TMEM63C: variants seen among roughly 807,000 people sequenced by gnomAD.
The protein encoded by TMEM63C is transmembrane protein 63C.
In TMEM63C, 32 loss-of-function variants were observed where a neutral mutation model predicts 99.2. That is an observed-to-expected ratio of 0.32 (90% CI 0.24 to 0.43). TMEM63C has a LOEUF of 0.43. Among genes scored for constraint, TMEM63C ranks in the 20% least tolerant of loss-of-function variants. TMEM63C has a pLI of 1.00. For missense variants in TMEM63C, 826 were observed against 1,053.0 expected (o/e 0.78, Z 2.98); for synonymous variants, 376 against 397.9 (o/e 0.94, Z 0.66).
intron 5 of TMEM63C, 76 bp downstream of exon 5, chr14:77,220,163 A>G: frequency 7.3e-7 from 1 of 1,378,996 alleles, no homozygotes; most frequent in Non-Finnish European, 1.0e-6. Context: ...AGGAAGAAAC[A>G]CGGCTTAGAC....
intron 1 of TMEM63C, among the ~76,000 whole-genome samples, chr14:77,211,099 C>G (rs898656785): frequency 1.3e-5 from 2 of 152,240 alleles, no homozygotes; most frequent in African/African-American, 4.8e-5. Context: ...TCAGCCCACT[C>G]TGCTCTCCGC....
intron 13 of TMEM63C, 36 bp downstream of exon 13, chr14:77,240,644 C>T (rs1320560285): frequency 6.3e-7 from 1 of 1,598,688 alleles, no homozygotes; most frequent in Non-Finnish European, 8.5e-7. Context: ...CAGCCCCAAG[C>T]ATACTCCTGC....
chr14:77,202,356 A>G (rs182143914), intron 1 of TMEM63C, among the ~76,000 whole-genome samples: 9 of 152,124 alleles, frequency 5.9e-5, no homozygotes, highest in African/African-American at 2.2e-4. Flanking sequence ...GCACCAATGC[A>G]TAGACCCACT....
rs1889128651 is a variant in TMEM63C, at chr14:77,239,634, A to G, written c.838A>G (p.Thr280Ala). 6.2e-7 allele frequency: 1 copy of G among 1,613,206 alleles called. No homozygotes were observed. Among genetic ancestry groups the G allele is most frequent in the African/African-American group, 1.3e-5 (1 of 74,928 alleles). Residue 280 changes from threonine to alanine, a missense_variant, in exon 12 of 24, where the codon ACA (threonine) becomes GCA (alanine). Transcript: ENST00000298351. ...TGCCATGCGGGGCCGGCTTTTCTAT[A>G]CAGCCAAGGCCAAGAAGACTGGGAA... is the stretch of plus-strand genomic sequence containing the variant. ...RHAMRGRLFY[T>A]AKAKKTGKVM...
At chr14:77,231,341 A>G (rs1166802382) in intron 6 of TMEM63C, among the ~76,000 whole-genome samples, 1 of 152,190 alleles carries the variant, frequency 6.6e-6, no homozygotes, top group African/African-American at 2.4e-5. Context: ...CTGAGTGTGT[A>G]TCTGTAACAG....
At position 77,238,686 on chromosome 14, in the gene TMEM63C, C is replaced by G. The variant is rs1282987704; in HGVS notation, c.652-8C>G. The G allele has an allele frequency of 6.2e-7, 1 of 1,611,558 alleles. No homozygotes were observed. On this transcript the variant is annotated splice_polypyrimidine_tract_variant and splice_region_variant and intron_variant, in intron 9 of 23. Coordinates refer to ENST00000298351, the MANE Select transcript of TMEM63C (RefSeq NM_020431.4). ...TCTTCTTTCTCCATTTTTATTTTTCCCACCCAGGTCACAAGGACACTAATG... is the reference window on the plus strand; with the variant it reads ...TCTTCTTTCTCCATTTTTATTTTTCGCACCCAGGTCACAAGGACACTAATG...
chr14:77,206,535 G>C (rs1888405523), intron 1 of TMEM63C, among the ~76,000 whole-genome samples: 1 of 152,246 alleles, frequency 6.6e-6, no homozygotes. Context: ...AGGGGAGAGA[G>C]AGGAGATGGC....
chr14:77,211,040 G>T (rs1888488140), intron 1 of TMEM63C, among the ~76,000 whole-genome samples: 1 of 152,198 alleles, frequency 6.6e-6, no homozygotes, highest in Non-Finnish European at 1.5e-5. Context: ...CCTGGGCTGT[G>T]CTGGGAAATG....
chr14:77,217,168 A>T (rs887284546), intron 2 of TMEM63C, among the ~76,000 whole-genome samples: 5 of 151,758 alleles, frequency 3.3e-5, no homozygotes, highest in African/African-American at 1.2e-4. Flanking sequence ...AGTCATTTTA[A>T]TTCACTCCAT....
At chr14:77,246,803 C>T (rs17105594) in intron 18 of TMEM63C, 129 bp downstream of exon 18, 94,534 of 693,034 alleles carry the variant, frequency 0.14, 7,458 homozygotes, top group African/African-American at 0.28. Flanking sequence ...AACACCCTCA[C>T]TGGGCAGACT....
At chr14:77,218,716 A>C (rs1888636689) in intron 2 of TMEM63C, 85 bp from the exon 3 acceptor site, 1 of 1,448,834 alleles carries the variant, frequency 6.9e-7, no homozygotes, top group African/African-American at 1.4e-5. Context: ...CTCGGTGCCC[A>C]TCCCACAACT....
chr14:77,206,491 G>A (rs933993489), intron 1 of TMEM63C, among the ~76,000 whole-genome samples: 1 of 152,236 alleles, frequency 6.6e-6, no homozygotes, highest in African/African-American at 2.4e-5. Context: ...TTGGCTTCTT[G>A]ATCTGCCTGC....
chr14:77,224,423 G>A (rs1164478570), intron 5 of TMEM63C, among the ~76,000 whole-genome samples: 2 of 152,050 alleles, frequency 1.3e-5, no homozygotes, highest in Non-Finnish European at 2.9e-5. Context: ...TCACAGAAGT[G>A]CACATGACCC....
At chr14:77,249,262 C>T in intron 20 of TMEM63C, 29 bp from the exon 21 acceptor site, 2 of 1,611,148 alleles carry the variant, frequency 1.2e-6, no homozygotes, top group African/African-American at 2.7e-5. Context: ...GAAGGGGCCA[C>T]TGAGTAAGTT....
chr14:77,201,592 G>A lies in TMEM63C; in HGVS notation c.-76-11854G>A, dbSNP rs145003798. ...CAGCATCCTTCAGGGACTTGTTGGA[G>A]ACAGAGATTCTCAGGCGCTACCCAA... On this transcript the variant is annotated intron_variant, in intron 1 of 23. Transcript: ENST00000298351. Among the ~76,000 whole-genome samples the A allele has an allele frequency of 2.9e-3, 436 of 152,324 alleles. 2 individuals carry two copies. Among genetic ancestry groups the A allele is most frequent in the Non-Finnish European group, 3.8e-3 (261 of 68,036 alleles).
At chr14:77,211,579 G>A (rs1888498363) in intron 1 of TMEM63C, among the ~76,000 whole-genome samples, 1 of 152,238 alleles carries the variant, frequency 6.6e-6, no homozygotes, top group Non-Finnish European at 1.5e-5. Context: ...GGAAGGGGAA[G>A]TGGGAAGCAA....
At chr14:77,207,952 G>A (rs1425996019) in intron 1 of TMEM63C, among the ~76,000 whole-genome samples, 1 of 152,172 alleles carries the variant, frequency 6.6e-6, no homozygotes, top group Non-Finnish European at 1.5e-5. Context: ...GTGGCACATA[G>A]CAAAGTGATC....
At position 77,258,844 on chromosome 14, in the gene TMEM63C, C is replaced by T. The variant is rs1889525806; in HGVS notation, c.*2118C>T. The T allele has an allele frequency of 6.6e-6, 1 of 152,342 alleles. No homozygotes were observed. The highest frequency in any genetic ancestry group is 2.1e-4 in the South Asian group (1 of 4,836). The allele number at this position is 152,342 out of a possible 1,614,324, so 9.4% of individuals were successfully genotyped here. On this transcript the variant is annotated 3_prime_UTR_variant, in exon 24 of 24. Transcript: ENST00000298351. ...TGTGGAAGCCACATATGGGAAAAGT[C>T]CTGGCAGACAATGTGGCGGGATGAC...
At chr14:77,196,476 G>T (rs549691139) in intron 1 of TMEM63C, among the ~76,000 whole-genome samples, 37 of 152,336 alleles carry the variant, frequency 2.4e-4, no homozygotes, top group Middle Eastern at 3.4e-3. Flanking sequence ...CTGGGAAGGG[G>T]CAGAAGATGC....
Sources: gnomAD v4.1 joint callset for allele counts (sites outside exome capture counted in the v4.1 genomes callset) on GRCh38, gnomAD v4.1.1 for gene constraint, MANE v1.5 for transcripts, NCBI Gene and HGNC (gene_info 2026-07-23, HGNC 2026-07-21) for gene names.